CAMK2G: variants seen among roughly 807,000 people sequenced by gnomAD.
The protein encoded by CAMK2G is calcium/calmodulin dependent protein kinase II gamma.
A neutral mutation model predicts 88.7 loss-of-function variants in CAMK2G; 23 were observed. The observed-to-expected ratio is 0.26, with a 90% CI of 0.19 to 0.37. The LOEUF (loss-of-function observed/expected upper bound fraction) is 0.37. Among genes scored for constraint, CAMK2G ranks in the 10% least tolerant of loss-of-function variants. CAMK2G has a pLI of 1.00. For synonymous variants in CAMK2G, 263 were observed against 294.8 expected (o/e 0.89, Z 1.11); for missense variants, 476 against 780.8 (o/e 0.61, Z 4.65).
chr10:73,817,987 T>C (rs1445366302), intron 19 of CAMK2G, among the ~76,000 whole-genome samples: 2 of 152,112 alleles, frequency 1.3e-5, no homozygotes, highest in African/African-American at 2.4e-5. Context: ...CAGGTCTCAA[T>C]CACCACCCCC....
intron 1 of CAMK2G, 102 bp downstream of exon 1, chr10:73,874,295 G>A (rs527295252): frequency 7.0e-6 from 5 of 714,616 alleles, no homozygotes; most frequent in Admixed American, 4.7e-5. Flanking sequence ...GGGCGGCCGA[G>A]GGGGAGCCGC....
rs140348836 is a variant in CAMK2G, at chr10:73,815,144, C to T, written c.1638G>A (p.Gln546=). The T allele has an allele frequency of 7.2e-5, 117 of 1,614,244 alleles. No homozygotes were observed. The African/African-American group carries it at 1.4e-3, about 20-fold the overall frequency. The part of the protein sequence containing the change: ...AACIAYIRLT[Q]YIDGQGRPRT... ...GAGGCCGACCCTGCCCGTCGATGTA[C>T]TGGGTGAGGCGGATGTAGGCGATGC... The change falls in exon 22 of 23, where the codon CAG becomes CAA. Residue 546 remains glutamine, a synonymous_variant. Transcript: ENST00000423381.
chr10:73,829,160 A>G (rs1201345862), intron 14 of CAMK2G, among the ~76,000 whole-genome samples: 1 of 152,236 alleles, frequency 6.6e-6, no homozygotes, highest in Non-Finnish European at 1.5e-5. Flanking sequence ...GATTATTATT[A>G]TAATCAACGA....
intron 10 of CAMK2G, 24 bp downstream of exon 10, chr10:73,847,201 T>C (rs992139337): frequency 6.2e-7 from 1 of 1,613,358 alleles, no homozygotes; most frequent in Non-Finnish European, 8.5e-7. Context: ...CCTGAGCTCC[T>C]TGGCCACTAG....
chr10:73,849,761 C>T (rs952485766), intron 5 of CAMK2G, among the ~76,000 whole-genome samples: 4 of 152,220 alleles, frequency 2.6e-5, no homozygotes, highest in African/African-American at 9.6e-5. Context: ...TCCAACTAAA[C>T]AACCTAAGCT....
At chr10:73,844,330 A>G (rs1289977508) in intron 10 of CAMK2G, among the ~76,000 whole-genome samples, 2 of 151,642 alleles carry the variant, frequency 1.3e-5, no homozygotes, top group Non-Finnish European at 2.9e-5. Flanking sequence ...GGCTCAAGTG[A>G]TCTACCTACC....
intron 14 of CAMK2G, among the ~76,000 whole-genome samples, chr10:73,834,576 C>T (rs2092975585): frequency 6.6e-6 from 1 of 152,230 alleles, no homozygotes; most frequent in Non-Finnish European, 1.5e-5. Flanking sequence ...TGTCCTTCCT[C>T]TGTTTCCTTT....
In CAMK2G at chr10:73,839,941, C is replaced by T. The variant is rs938779037; in HGVS notation, c.947-340G>A. 2.0e-5 allele frequency among the ~76,000 whole-genome samples: 3 copies of T among 152,192 alleles called. No individual in the cohort carries two copies. Among genetic ancestry groups the T allele is most frequent in the African/African-American group, 7.2e-5 (3 of 41,460 alleles). The stretch of plus-strand genomic sequence containing the variant: ...GTGCCCCTTCTGAGGTAGCCCGGCC[C>T]TAGCTTAAGGCTGTGATGAAACGCC... On this transcript the variant is annotated intron_variant, in intron 12 of 22. Coordinates refer to ENST00000423381, the MANE Select transcript of CAMK2G (RefSeq NM_001367534.1). This position sits in a 1 kb window ranked among gnomAD's most constrained non-coding sequence, Gnocchi z 4.2.
At chr10:73,868,488 T>A (rs913216265) in intron 2 of CAMK2G, among the ~76,000 whole-genome samples, 3 of 152,144 alleles carry the variant, frequency 2.0e-5, no homozygotes, top group African/African-American at 7.2e-5. Flanking sequence ...TCGGCTTCCA[T>A]CCCTTCAGGA....
chr10:73,872,010 G>C (rs1186992133), intron 2 of CAMK2G, among the ~76,000 whole-genome samples: 2 of 152,138 alleles, frequency 1.3e-5, no homozygotes, highest in African/African-American at 4.8e-5. Flanking sequence ...TATATTTATG[G>C]CATCCTACTG....
At chr10:73,829,700 G>GGTGTGT (rs60725888) in intron 14 of CAMK2G, among the ~76,000 whole-genome samples, 3,951 of 138,334 alleles carry the variant, frequency 0.029, 75 homozygotes, top group African/African-American at 0.056. Flanking sequence ...TAAGTAGTGG[G>GGTGTGT]GTGTGTGTGT....
rs371217848 is a variant in CAMK2G, at chr10:73,825,299, C to T, written c.1135G>A (p.Ala379Thr). 38 of 1,613,656 alleles carry T rather than the reference C, an allele frequency of 2.4e-5. No homozygotes were observed. Among genetic ancestry groups the T allele is most frequent in the East Asian group, 1.3e-4 (6 of 44,866 alleles). The change falls in exon 16 of 23, where the codon GCG becomes ACG. Residue 379 changes from alanine to threonine, a missense_variant. Ala to Thr is a moderately conservative substitution (Grantham distance 58). Around this residue, in one of 3 missense-constraint regions of CAMK2G, gnomAD observed 278 missense variants for 366.5 expected, o/e 0.76. Transcript: ENST00000423381. ...GGTACCATGGCCGTCTGCAAGGGCGCGGGCTCTTGGGCTGGGCTTACGAGA... is the reference window on the plus strand; with the variant it reads ...GGTACCATGGCCGTCTGCAAGGGCGTGGGCTCTTGGGCTGGGCTTACGAGA... ...NSLVSPAQEP[A>T]PLQTAMEPQT... is the part of the protein sequence containing the mutation.
chr10:73,843,348 G>A (rs775745568), intron 10 of CAMK2G, among the ~76,000 whole-genome samples: 9 of 152,304 alleles, frequency 5.9e-5, no homozygotes, highest in African/African-American at 2.2e-4. Flanking sequence ...TAACAGGTGT[G>A]AGCCACTGTG....
chr10:73,819,782 A>T, intron 18 of CAMK2G, 137 bp from the exon 19 acceptor site: 1 of 607,878 alleles, frequency 1.6e-6, no homozygotes, highest in Non-Finnish European at 2.9e-6. Context: ...GCCTCGCCTC[A>T]GGCTGCTGTG....
rs376679031 is a variant in CAMK2G, at chr10:73,837,482, C to A, written c.1039G>T (p.Asp347Tyr). Residue 347 changes from aspartate to tyrosine, a missense_variant, in exon 14 of 23, where the codon GAT becomes TAT. Physicochemically the swap from Asp to Tyr is radical, Grantham distance 160. Transcript: ENST00000423381. ...AAKSLLNKKS[D>Y]GGVKKRKSSS... ...GAGACACTTACCTTGACACCGCCAT[C>A]CGACTTCTTGTTCAATAGGCTTTTG... is the stretch of plus-strand genomic sequence containing the variant. The A allele has an allele frequency of 1.2e-6, 2 of 1,613,654 alleles. No homozygotes were observed. The highest frequency in any genetic ancestry group is 1.7e-6 in the Non-Finnish European group (2 of 1,179,712).
chr10:73,827,272 C>T lies in CAMK2G; in HGVS notation c.1086+817G>A, dbSNP rs568443488. Among the ~76,000 whole-genome samples, 162 of 152,348 alleles carry T rather than the reference C, an allele frequency of 1.1e-3. 2 individuals carry two copies. The highest frequency in any genetic ancestry group is 3.7e-3 in the African/African-American group (152 of 41,586). ...CGCGATCTCGGCTCACTGCAAGCTC[C>T]GCCTCCTGGGTTCACGCCATTCTCC... On this transcript the variant is annotated intron_variant, in intron 15 of 22. Transcript: ENST00000423381.
chr10:73,817,700 C>A, intron 19 of CAMK2G, 146 bp from the exon 20 acceptor site: 1 of 640,306 alleles, frequency 1.6e-6, no homozygotes, highest in Non-Finnish European at 2.8e-6. Context: ...GCAGGAAGAG[C>A]GAACACACCT....
chr10:73,813,150 C>T lies in CAMK2G; in HGVS notation c.*1368G>A, dbSNP rs2084584739. 3 of 152,744 alleles carry T rather than the reference C, an allele frequency of 2.0e-5. No individual in the cohort carries two copies. In the South Asian group the frequency reaches 6.2e-4, roughly 32 times the overall value. The allele number at this position is 152,744 out of a possible 1,614,324, so 9.5% of individuals were successfully genotyped here. ...GCTCCTCCATTATCTTCTTTGCTAT[C>T]TGCTTAGGGTATAGATCTCTTCCTC... On this transcript the variant is annotated 3_prime_UTR_variant, in exon 23 of 23. Transcript: ENST00000423381.
At chr10:73,866,412 G>A (rs1056913002) in intron 2 of CAMK2G, among the ~76,000 whole-genome samples, 2 of 152,018 alleles carry the variant, frequency 1.3e-5, no homozygotes, top group African/African-American at 4.8e-5. Context: ...GCTGGCCACA[G>A]ATTCTCCATG....
Sources: gnomAD v4.1 joint callset for allele counts (sites outside exome capture counted in the v4.1 genomes callset) on GRCh38, gnomAD v4.1.1 for gene constraint, gnomAD v4.1.1 regional missense constraint, Gnocchi (gnomAD v3.1) non-coding constraint, MANE v1.5 for transcripts, NCBI Gene and HGNC (gene_info 2026-07-23, HGNC 2026-07-21) for gene names.